The following CARM1 variants were observed in gnomAD, a reference collection of about 807,000 sequenced individuals.
CARM1 encodes histone-arginine methyltransferase CARM1.
CARM1 carries 14 observed loss-of-function variants against 72.7 expected under a neutral mutation model. That is an observed-to-expected ratio of 0.19 (90% CI 0.13 to 0.30). The LOEUF (loss-of-function observed/expected upper bound fraction) is 0.30, where lower values mean the gene tolerates loss of function less well. CARM1 is among the 10% of genes least tolerant of loss of function. CARM1 has a pLI of 1.00. For missense variants in CARM1, 432 were observed against 833.7 expected, an observed-to-expected ratio of 0.52 and a Z score of 5.93; for synonymous variants, 333 against 345.5, an observed-to-expected ratio of 0.96 and a Z score of 0.40.
chr19:10,898,286 G>A (rs936658674), intron 1 of CARM1, among the ~76,000 whole-genome samples: 7 of 151,958 alleles, frequency 4.6e-5, no homozygotes, highest in Non-Finnish European at 8.8e-5. Context: ...CAGTCTAGGC[G>A]ACAGAGTGAG....
At chr19:10,904,921 C>T in intron 1 of CARM1, 30 bp from the exon 2 acceptor site, 1 of 1,611,762 alleles carries the variant, frequency 6.2e-7, no homozygotes, top group Non-Finnish European at 8.5e-7. Flanking sequence ...CAGGGCTGCA[C>T]CGCTCACGCC....
intron 1 of CARM1, among the ~76,000 whole-genome samples, chr19:10,890,750 TACAC>T (rs1296998106): frequency 1.2e-4 from 17 of 138,206 alleles, no homozygotes; most frequent in African/African-American, 3.5e-4. Context: ...CACATGCATA[TACAC>T]ACACACATAT....
At chr19:10,906,102 A>G (rs2145223259) in intron 2 of CARM1, among the ~76,000 whole-genome samples, 1 of 149,924 alleles carries the variant, frequency 6.7e-6, no homozygotes, top group South Asian at 2.1e-4. Context: ...CGTGTGTGCC[A>G]CCGTGCCTGG....
chr19:10,912,918 G>A lies in CARM1; in HGVS notation c.669+624G>A, dbSNP rs543869263. On this transcript the variant is annotated intron_variant, in intron 5 of 15. Coordinates refer to ENST00000327064, the MANE Select transcript of CARM1 (RefSeq NM_199141.2). This position sits in a 1 kb window ranked among gnomAD's most constrained non-coding sequence, Gnocchi z 4.5. ...TGTCCTGAGCCCCTCTCCCACATGC[G>A]GTTGTGTCTGTAGGACACACCCTAG... 2.0e-5 allele frequency among the ~76,000 whole-genome samples: 3 copies of A among 152,176 alleles called. No individual in the cohort carries two copies. The highest frequency in any genetic ancestry group is 6.6e-5 in the Admixed American group (1 of 15,266).
intron 1 of CARM1, among the ~76,000 whole-genome samples, chr19:10,888,708 T>G: frequency 6.6e-6 from 1 of 152,182 alleles, no homozygotes; most frequent in Middle Eastern, 3.2e-3. Flanking sequence ...TCTGGGGCTG[T>G]GGAACCCCAG....
In CARM1 at chr19:10,916,088, T is replaced by TC. The variant is rs2074194610; in HGVS notation, c.848-316dup. Among the ~76,000 whole-genome samples, 1 of 152,178 alleles carries TC rather than the reference T, an allele frequency of 6.6e-6. No individual in the cohort carries two copies. The highest frequency in any genetic ancestry group is 1.5e-5 in the Non-Finnish European group (1 of 68,024). ...GCCTGAGAGGCAGCGCCTGGCCACA[T>TC]CCCGGGCACTGCCTGCTTCCCCGTG... On this transcript the variant is annotated intron_variant, in intron 6 of 15. Coordinates refer to ENST00000327064, the MANE Select transcript of CARM1 (RefSeq NM_199141.2). The surrounding 1 kb of genome is among the most constrained non-coding windows in gnomAD (Gnocchi z 4.4).
At chr19:10,914,731 T>C (rs530272052) in intron 6 of CARM1, among the ~76,000 whole-genome samples, 2 of 152,314 alleles carry the variant, frequency 1.3e-5, no homozygotes, top group South Asian at 2.1e-4. Context: ...AAGTTTTGTA[T>C]TTTTAGTAGA....
At chr19:10,888,758 G>T (rs2073960297) in intron 1 of CARM1, among the ~76,000 whole-genome samples, 1 of 152,234 alleles carries the variant, frequency 6.6e-6, no homozygotes, top group African/African-American at 2.4e-5. Flanking sequence ...CAAAGCCCCA[G>T]GCGGTGGCAG....
intron 1 of CARM1, among the ~76,000 whole-genome samples, chr19:10,879,333 A>G (rs1275151572): frequency 6.6e-6 from 1 of 152,204 alleles, no homozygotes; most frequent in African/African-American, 2.4e-5. Context: ...TGCCAGCTGC[A>G]AGGGATGCTG....
intron 1 of CARM1, among the ~76,000 whole-genome samples, chr19:10,904,579 C>T (rs193032900): frequency 6.6e-6 from 1 of 152,382 alleles, no homozygotes; most frequent in Non-Finnish European, 1.5e-5. Flanking sequence ...CATGCAGTCA[C>T]TGCTCTGCGC....
At position 10,920,066 on chromosome 19, in the gene CARM1, C is replaced by T. The variant is rs2074228239; in HGVS notation, c.1196+100C>T. On this transcript the variant is annotated intron_variant, in intron 10 of 15. Transcript: ENST00000327064. This position sits in a 1 kb window ranked among gnomAD's most constrained non-coding sequence, Gnocchi z 5.3. ...GGGTGGAACATGGCTCCAGGTTCCA[C>T]CATCCCTTCCAATGGGAGTGAGAGC... 1.0e-5 allele frequency: 9 copies of T among 890,376 alleles called. No individual in the cohort carries two copies. The highest frequency in any genetic ancestry group is 2.5e-4 in the Middle Eastern group (1 of 3,932). 55.2% of individuals were successfully genotyped at this position (890,376 alleles called of 1,614,324 possible). A position where few individuals can be genotyped will look rare whatever the true frequency, so the allele number is the denominator to read the frequency against.
intron 1 of CARM1, among the ~76,000 whole-genome samples, chr19:10,878,313 T>C (rs1733627516): frequency 6.6e-6 from 1 of 152,182 alleles, no homozygotes; most frequent in Admixed American, 6.5e-5. Flanking sequence ...GGGAAGCTTG[T>C]AGACCCCTGG....
chr19:10,908,445 C>A, intron 3 of CARM1: 1 of 319,792 alleles, frequency 3.1e-6, no homozygotes. Context: ...CCTGAGCGCT[C>A]CCTGCATGCC....
At chr19:10,874,374 CTTTTTTATT>C (rs1007019863) in intron 1 of CARM1, among the ~76,000 whole-genome samples, 3 of 151,258 alleles carry the variant, frequency 2.0e-5, no homozygotes, top group Non-Finnish European at 2.9e-5. Context: ...TTTTTTCTTT[CTTTTTTATT>C]TTTTTTATTT....
In CARM1 at chr19:10,913,871, C is replaced by T. The variant is rs1420264181; in HGVS notation, c.670-6C>T. 3 of 1,610,870 alleles carry T rather than the reference C, an allele frequency of 1.9e-6. No individual in the cohort carries two copies. Among genetic ancestry groups the T allele is most frequent in the Admixed American group, 1.7e-5 (1 of 59,704 alleles). On this transcript the variant is annotated splice_polypyrimidine_tract_variant and splice_region_variant and intron_variant, in intron 5 of 15. Coordinates refer to ENST00000327064, the MANE Select transcript of CARM1 (RefSeq NM_199141.2). ...GGGAAGCCCACATGGCCCTGCCCGC[C>T]TGCAGGTCTTGGTGAAGAGTAACAA...
chr19:10,899,017 G>A (rs958525172), intron 1 of CARM1, among the ~76,000 whole-genome samples: 9 of 150,334 alleles, frequency 6.0e-5, no homozygotes, highest in African/African-American at 2.2e-4. Context: ...ACAAAGAGAG[G>A]AACACGGCTT....
At chr19:10,891,963 AT>A (rs1252276939) in intron 1 of CARM1, among the ~76,000 whole-genome samples, 1 of 152,106 alleles carries the variant, frequency 6.6e-6, no homozygotes, top group Non-Finnish European at 1.5e-5. Context: ...AAGTCACTTT[AT>A]TGTGTTTCCA....
intron 1 of CARM1, among the ~76,000 whole-genome samples, chr19:10,889,315 ATT>A (rs1229574072): frequency 2.6e-4 from 36 of 138,456 alleles, no homozygotes; most frequent in Admixed American, 2.2e-4. Context: ...CAATTTGAGA[ATT>A]TTTTTTTTTT....
chr19:10,920,591 G>T lies in CARM1; in HGVS notation c.1334+18G>T. 6.2e-7 allele frequency: 1 copy of T among 1,613,906 alleles called. No individual in the cohort carries two copies. The highest frequency in any genetic ancestry group is 1.3e-5 in the African/African-American group (1 of 74,994). On this transcript the variant is annotated intron_variant, in intron 11 of 15. Coordinates refer to ENST00000327064, the MANE Select transcript of CARM1 (RefSeq NM_199141.2). The surrounding 1 kb of genome is among the most constrained non-coding windows in gnomAD (Gnocchi z 5.3). ...AACAAAAGGTGCGACTGCTCCCTGG[G>T]GCTGGTGGTGGTGGGCAGGGGTCCA...
Sources: allele counts gnomAD v4.1 joint callset (sites outside exome capture counted in the v4.1 genomes callset), GRCh38; gene constraint gnomAD v4.1.1; non-coding constraint Gnocchi (gnomAD v3.1); transcripts MANE v1.5; gene names NCBI Gene and HGNC (gene_info 2026-07-23, HGNC 2026-07-21).